The following GCLM variants were observed in gnomAD, a reference collection of about 807,000 sequenced individuals.
GCLM encodes glutamate--cysteine ligase regulatory subunit.
In GCLM, 15 loss-of-function variants were observed where a neutral mutation model predicts 36.0. The ratio of observed to expected loss-of-function variants is 0.42; its 90% CI spans 0.28 to 0.64. GCLM has a LOEUF of 0.64. GCLM is among the 30% of genes least tolerant of loss of function. The probability of loss-of-function intolerance (pLI) is 0.25; values close to 1 mark genes in which losing one functional copy is unlikely to be tolerated. For synonymous variants in GCLM, 129 were observed against 122.8 expected, an observed-to-expected ratio of 1.05 and a Z score of -0.34; for missense variants, 242 against 325.5, an observed-to-expected ratio of 0.74 and a Z score of 1.97.
chr1:93,906,674 C>T (rs952616350), intron 1 of GCLM, among the ~76,000 whole-genome samples: 2 of 152,152 alleles, frequency 1.3e-5, no homozygotes, highest in African/African-American at 4.8e-5. Context: ...TACATGTTTG[C>T]TATATTGACT....
At chr1:93,892,163 A>C (rs1571196838) in intron 6 of GCLM, among the ~76,000 whole-genome samples, 1 of 152,212 alleles carries the variant, frequency 6.6e-6, no homozygotes. Flanking sequence ...TTCTAAATTC[A>C]GGATCATCTA....
In GCLM at chr1:93,896,925, T is replaced by C; in HGVS notation, c.338-105A>G. On this transcript the variant is annotated intron_variant, in intron 4 of 6. Coordinates refer to ENST00000370238, the MANE Select transcript of GCLM (RefSeq NM_002061.4). ...CTGAATTCTGTCCATATTCTTCACT[T>C]GTTTTCAAAATAACAGATTATTTCA... is the stretch of plus-strand genomic sequence containing the variant. The C allele has an allele frequency of 5.9e-6, 4 of 678,788 alleles. No homozygotes were observed. In the South Asian group the frequency reaches 7.1e-5, roughly 12 times the overall value. The allele number at this position is 678,788 out of a possible 1,614,324, so 42.0% of individuals were successfully genotyped here.
chr1:93,894,848 G>T (rs1656669080), intron 5 of GCLM, 120 bp from the exon 6 acceptor site: 13 of 591,750 alleles, frequency 2.2e-5, no homozygotes, highest in Middle Eastern at 4.4e-4. Context: ...AATCCACAGT[G>T]ATTAAAGTTT....
intron 3 of GCLM, among the ~76,000 whole-genome samples, chr1:93,901,164 T>C (rs17881957): frequency 0.013 from 1,919 of 152,316 alleles, 33 homozygotes; most frequent in African/African-American, 0.044. Context: ...TTTCTCTTCA[T>C]GTAACTTGCC....
At chr1:93,905,836 C>G (rs1306093541) in intron 1 of GCLM, among the ~76,000 whole-genome samples, 1 of 152,138 alleles carries the variant, frequency 6.6e-6, no homozygotes, top group African/African-American at 2.4e-5. Flanking sequence ...AAAAAATATA[C>G]TGGTCCATGA....
Position 93,909,293 on chromosome 1 carries a change from G to C in GCLM, c.-130C>G. 11 of 1,048,588 alleles carry C rather than the reference G, an allele frequency of 1.0e-5. No individual in the cohort carries two copies. Among genetic ancestry groups the C allele is most frequent in the Non-Finnish European group, 1.3e-5 (11 of 872,464 alleles). The allele number at this position is 1,048,588 out of a possible 1,614,324, so 65.0% of individuals were successfully genotyped here. A position where few individuals can be genotyped will look rare whatever the true frequency, so the allele number is the denominator to read the frequency against. ...GAGGGAGCGCGAGGCTGCCGGCGCC[G>C]CGCGGCTGGAGCCTGGTCTGCGCTC... On this transcript the variant is annotated 5_prime_UTR_variant, in exon 1 of 7. Transcript: ENST00000370238.
At chr1:93,906,097 A>G (rs933440701) in intron 1 of GCLM, among the ~76,000 whole-genome samples, 1 of 152,236 alleles carries the variant, frequency 6.6e-6, no homozygotes, top group African/African-American at 2.4e-5. Flanking sequence ...TTTACTACGT[A>G]TATCTTAGTA....
At chr1:93,902,327 C>T (rs908493308) in intron 2 of GCLM, among the ~76,000 whole-genome samples, 3 of 151,992 alleles carry the variant, frequency 2.0e-5, no homozygotes, top group South Asian at 2.1e-4. Context: ...TACAGGTGCA[C>T]GCCGCCACGC....
chr1:93,896,557 G>A (rs911712763), intron 5 of GCLM, 61 bp downstream of exon 5: 3 of 1,296,044 alleles, frequency 2.3e-6, no homozygotes, highest in Non-Finnish European at 3.4e-6. Flanking sequence ...TCAACAGTGT[G>A]CAGCAAAGAC....
chr1:93,900,402 T>G (rs984349697), intron 3 of GCLM, among the ~76,000 whole-genome samples: 1 of 152,224 alleles, frequency 6.6e-6, no homozygotes, highest in Non-Finnish European at 1.5e-5. Context: ...AACTAAATCA[T>G]GAATTACAGT....
At chr1:93,896,315 A>C (rs895999830) in intron 5 of GCLM, among the ~76,000 whole-genome samples, 3 of 152,160 alleles carry the variant, frequency 2.0e-5, no homozygotes, top group Non-Finnish European at 2.9e-5. Flanking sequence ...AACTGAAGGA[A>C]ATGGCCTTAA....
intron 3 of GCLM, among the ~76,000 whole-genome samples, chr1:93,901,227 T>C (rs1259285782): frequency 6.6e-6 from 1 of 152,194 alleles, no homozygotes; most frequent in Non-Finnish European, 1.5e-5. Context: ...ACCAGTATCT[T>C]ACCAGGAAGG....
Position 93,909,066 on chromosome 1 carries a change from T to G in GCLM, c.98A>C (p.Lys33Thr). 6.8e-7 allele frequency: 1 copy of G among 1,474,142 alleles called. No individual in the cohort carries two copies. Among genetic ancestry groups the G allele is most frequent in the Admixed American group, 2.4e-5 (1 of 42,262 alleles). 91.3% of individuals were successfully genotyped at this position (1,474,142 alleles called of 1,614,324 possible). Residue 33 changes from lysine (K) to threonine (T), a missense_variant, in exon 1 of 7, where the codon AAG (lysine) becomes ACG (threonine). Transcript: ENST00000370238. ...CTCGCTGTGCGTGGACGGGCACTTCTTCCGCAGGCGGCCCCAGTTCAGCAG... is the reference window on the plus strand; with the variant it reads ...CTCGCTGTGCGTGGACGGGCACTTCGTCCGCAGGCGGCCCCAGTTCAGCAG... Reference protein sequence around the residue: ...GNLLNWGRLRKKCPSTHSEEL... With the variant: ...GNLLNWGRLRTKCPSTHSEEL...
chr1:93,899,632 CTT>C (rs1477207967), intron 3 of GCLM, among the ~76,000 whole-genome samples: 1 of 152,056 alleles, frequency 6.6e-6, no homozygotes, highest in Non-Finnish European at 1.5e-5. Context: ...TTGTGTGAGT[CTT>C]ATTATATTTT....
chr1:93,907,101 G>C (rs1263888468), intron 1 of GCLM, among the ~76,000 whole-genome samples: 4 of 152,180 alleles, frequency 2.6e-5, no homozygotes, highest in African/African-American at 9.7e-5. Context: ...CTTCAGTGAA[G>C]CGGAACTGTT....
intron 5 of GCLM, 52 bp from the exon 6 acceptor site, chr1:93,894,780 A>C (rs1396716528): frequency 6.0e-6 from 5 of 834,866 alleles, no homozygotes; most frequent in South Asian, 2.8e-5. Flanking sequence ...ATATAATACC[A>C]AAAGTAGAAA....
At chr1:93,890,180 G>T (rs891208941) in intron 6 of GCLM, among the ~76,000 whole-genome samples, 4 of 151,952 alleles carry the variant, frequency 2.6e-5, no homozygotes, top group East Asian at 1.9e-4. Flanking sequence ...AAAGTGCTAG[G>T]ATTACAGGTG....
chr1:93,887,864 T>C lies in GCLM; in HGVS notation c.*1126A>G, dbSNP rs1192242376. 2 of 152,198 alleles carry C rather than the reference T, an allele frequency of 1.3e-5. No homozygotes were observed. Among genetic ancestry groups the C allele is most frequent in the East Asian group, 1.9e-4 (1 of 5,196 alleles). The allele number at this position is 152,198 out of a possible 1,614,324, so 9.4% of individuals were successfully genotyped here. ...GATTTATAGTGTACATCAAAGTTCATAGCTTATTTATTTGCAATTTTGTGG... is the reference window on the plus strand; with the variant it reads ...GATTTATAGTGTACATCAAAGTTCACAGCTTATTTATTTGCAATTTTGTGG... On this transcript the variant is annotated 3_prime_UTR_variant, in exon 7 of 7. Transcript: ENST00000370238.
rs1032108682 is a variant in GCLM, at chr1:93,904,366, A to T, written c.192+157T>A. 20 of 641,282 alleles carry T rather than the reference A, an allele frequency of 3.1e-5. No homozygotes were observed. The Admixed American group carries it at 5.3e-4, about 17-fold the overall frequency. The allele number at this position is 641,282 out of a possible 1,614,324, so 39.7% of individuals were successfully genotyped here. A position where few individuals can be genotyped will look rare whatever the true frequency, so the allele number is the denominator to read the frequency against. ...GTCTAGATTTTCTGTTTTATGCATAAGCCTACTGGATCAGAGTGCCGTCTC... is the reference window on the plus strand; with the variant it reads ...GTCTAGATTTTCTGTTTTATGCATATGCCTACTGGATCAGAGTGCCGTCTC... On this transcript the variant is annotated intron_variant, in intron 2 of 6. Transcript: ENST00000370238.
Sources: allele counts gnomAD v4.1 joint callset (sites outside exome capture counted in the v4.1 genomes callset), GRCh38; gene constraint gnomAD v4.1.1; transcripts MANE v1.5; gene names NCBI Gene and HGNC (gene_info 2026-07-23, HGNC 2026-07-21).